The following NHLRC2 variants were observed in gnomAD, a reference collection of about 807,000 sequenced individuals.
NHLRC2 encodes the protein NHL repeat-containing protein 2.
In NHLRC2, 33 loss-of-function variants were observed where a neutral mutation model predicts 68.1. The observed-to-expected ratio is 0.48, with a 90% CI of 0.37 to 0.65. NHLRC2 has a LOEUF of 0.65. Ranked by LOEUF, NHLRC2 falls within the 30% of genes least tolerant of loss-of-function variation. The pLI is 0.00. For missense variants in NHLRC2, 761 were observed against 853.8 expected (o/e 0.89, Z 1.35); for synonymous variants, 311 against 309.6 (o/e 1.00, Z -0.05).
At position 113,898,054 on chromosome 10, in the gene NHLRC2, G is replaced by A. The variant is rs1187527921; in HGVS notation, c.1040-56G>A. The A allele has an allele frequency of 4.2e-6, 4 of 960,324 alleles. No individual in the cohort carries two copies. In the African/African-American group the frequency reaches 6.6e-5, roughly 16 times the overall value. The allele number at this position is 960,324 out of a possible 1,614,324, so 59.5% of individuals were successfully genotyped here. On this transcript the variant is annotated intron_variant, in intron 5 of 10. Transcript: ENST00000369301. ...ATAAATTTAACATTTTAAAACCATT[G>A]GAGTGTTTGTATTAACCAGATATGT...
intron 2 of NHLRC2, among the ~76,000 whole-genome samples, chr10:113,870,669 G>T (rs1018364873): frequency 2.6e-5 from 4 of 152,082 alleles, no homozygotes; most frequent in African/African-American, 9.7e-5. Context: ...GGCATTGCTG[G>T]GTCAAAGTTA....
chr10:113,899,738 G>T (rs756765750), intron 6 of NHLRC2, among the ~76,000 whole-genome samples: 2 of 152,056 alleles, frequency 1.3e-5, no homozygotes, highest in Non-Finnish European at 2.9e-5. Context: ...ACAATATGGT[G>T]AAACCCCGTC....
At chr10:113,863,476 G>A (rs1845835154) in intron 2 of NHLRC2, among the ~76,000 whole-genome samples, 1 of 152,014 alleles carries the variant, frequency 6.6e-6, no homozygotes. Flanking sequence ...GGCTAAGGAA[G>A]AAATTTATGG....
intron 1 of NHLRC2, among the ~76,000 whole-genome samples, chr10:113,856,446 A>G (rs1198984770): frequency 6.6e-6 from 1 of 151,388 alleles, no homozygotes; most frequent in Non-Finnish European, 1.5e-5. Flanking sequence ...ATATTGTGGA[A>G]TTCTTACAAA....
At position 113,913,309 on chromosome 10, in the gene NHLRC2, A is replaced by T. The variant is rs1472098323; in HGVS notation, c.*4773A>T. 2 of 152,204 alleles carry T rather than the reference A, an allele frequency of 1.3e-5. No homozygotes were observed. The highest frequency in any genetic ancestry group is 2.9e-5 in the Non-Finnish European group (2 of 68,038). The allele number at this position is 152,204 out of a possible 1,614,324, so 9.4% of individuals were successfully genotyped here. On this transcript the variant is annotated 3_prime_UTR_variant, in exon 11 of 11. Coordinates refer to ENST00000369301, the MANE Select transcript of NHLRC2 (RefSeq NM_198514.4). ...TATTTATAGTAACTTAATCCAAAGA[A>T]CCCCAAAAGTACTAGCAATGATTGT...
At chr10:113,858,813 G>A in intron 2 of NHLRC2, 133 bp downstream of exon 2, 1 of 592,334 alleles carries the variant, frequency 1.7e-6, no homozygotes, top group Non-Finnish European at 2.9e-6. Flanking sequence ...TCTTATCTAT[G>A]AATTAAAGAC....
chr10:113,856,842 T>A (rs989552189), intron 1 of NHLRC2, among the ~76,000 whole-genome samples: 1 of 152,194 alleles, frequency 6.6e-6, no homozygotes, highest in South Asian at 2.1e-4. Context: ...AACATAACTT[T>A]ATTTGAAAAA....
intron 2 of NHLRC2, among the ~76,000 whole-genome samples, chr10:113,869,189 T>C (rs1229340105): frequency 3.9e-5 from 6 of 152,214 alleles, no homozygotes; most frequent in Non-Finnish European, 8.8e-5. Flanking sequence ...TAGTCATAGC[T>C]GATAAGAGCA....
chr10:113,900,314 G>C (rs1378316960), intron 6 of NHLRC2, among the ~76,000 whole-genome samples: 1 of 152,204 alleles, frequency 6.6e-6, no homozygotes, highest in Non-Finnish European at 1.5e-5. Context: ...ATAGTAGCCT[G>C]AACAGTGAGA....
chr10:113,884,173 A>G (rs1001159559), intron 4 of NHLRC2, 78 bp from the exon 5 acceptor site: 38 of 1,336,952 alleles, frequency 2.8e-5, no homozygotes, highest in Non-Finnish European at 3.9e-5. Flanking sequence ...TCTATTGACT[A>G]TTGAAAATCT....
intron 3 of NHLRC2, 22 bp downstream of exon 3, chr10:113,876,998 G>C: frequency 1.5e-6 from 2 of 1,368,148 alleles, no homozygotes; most frequent in Non-Finnish European, 2.0e-6. Flanking sequence ...TTCTGATTAC[G>C]ATAGATAACG....
chr10:113,902,685 T>C, intron 8 of NHLRC2, 92 bp downstream of exon 8: 1 of 1,077,192 alleles, frequency 9.3e-7, no homozygotes, highest in Non-Finnish European at 1.4e-6. Flanking sequence ...ACTGCCACTC[T>C]AAAATATAGA....
At chr10:113,879,500 A>G in intron 3 of NHLRC2, 74 bp from the exon 4 acceptor site, 6 of 1,295,114 alleles carry the variant, frequency 4.6e-6, no homozygotes, top group Non-Finnish European at 6.5e-6. Context: ...CCAGCATTAA[A>G]TACAAGTTTG....
At chr10:113,855,236 A>C (rs1845735354) in intron 1 of NHLRC2, among the ~76,000 whole-genome samples, 186 bp downstream of exon 1, 1 of 152,174 alleles carries the variant, frequency 6.6e-6, no homozygotes, top group South Asian at 2.1e-4. Flanking sequence ...GCGGCCACCG[A>C]CGGGGGTTTC....
intron 6 of NHLRC2, among the ~76,000 whole-genome samples, chr10:113,900,269 T>C (rs1027783323): frequency 7.2e-5 from 11 of 152,224 alleles, no homozygotes; most frequent in Non-Finnish European, 1.5e-4. Flanking sequence ...GAGATACCAC[T>C]GAGGAGCCTA....
intron 5 of NHLRC2, among the ~76,000 whole-genome samples, chr10:113,894,942 T>C (rs1846164070): frequency 6.6e-6 from 1 of 152,154 alleles, no homozygotes; most frequent in African/African-American, 2.4e-5. Context: ...GTGCTATATA[T>C]TGATATATAC....
In NHLRC2 at chr10:113,869,916, G is replaced by A. The variant is rs531820919; in HGVS notation, c.332-6605G>A. Among the ~76,000 whole-genome samples the A allele has an allele frequency of 9.9e-5, 15 of 151,984 alleles. No individual in the cohort carries two copies. In the South Asian group the frequency reaches 2.1e-3, roughly 21 times the overall value. ...TTTTGGTATTTCTTTGTCGTTTTTTGAGCCCTTCCTTACTAAATACACCAA... is the reference window on the plus strand; with the variant it reads ...TTTTGGTATTTCTTTGTCGTTTTTTAAGCCCTTCCTTACTAAATACACCAA... On this transcript the variant is annotated intron_variant, in intron 2 of 10. Coordinates refer to ENST00000369301, the MANE Select transcript of NHLRC2 (RefSeq NM_198514.4).
At position 113,883,668 on chromosome 10, in the gene NHLRC2, G is replaced by A. The variant is rs114933213; in HGVS notation, c.910-583G>A. Among the ~76,000 whole-genome samples the A allele has an allele frequency of 5.1e-3, 779 of 151,908 alleles. 6 individuals are homozygous for A. The highest frequency in any genetic ancestry group is 0.018 in the African/African-American group (733 of 41,506). On this transcript the variant is annotated intron_variant, in intron 4 of 10. Transcript: ENST00000369301. Reference sequence around the variant, plus strand: ...TTTTTCAGTTTATAAAGTAAAGTCCGTAAAGTGTCATGGAACTGCCTGGGT... The same window carrying A: ...TTTTTCAGTTTATAAAGTAAAGTCCATAAAGTGTCATGGAACTGCCTGGGT...
chr10:113,874,437 T>C (rs1371977398), intron 2 of NHLRC2, among the ~76,000 whole-genome samples: 1 of 105,950 alleles, frequency 9.4e-6, no homozygotes, highest in Non-Finnish European at 1.9e-5. Flanking sequence ...TTTCAAGGCA[T>C]GTGTTTGTGT....
Sources: allele counts gnomAD v4.1 joint callset (sites outside exome capture counted in the v4.1 genomes callset), GRCh38; gene constraint gnomAD v4.1.1; transcripts MANE v1.5; gene names NCBI Gene and HGNC (gene_info 2026-07-23, HGNC 2026-07-21).